SMC1B: variants seen among roughly 807,000 people sequenced by gnomAD.
SMC1B encodes the protein structural maintenance of chromosomes protein 1B.
A neutral mutation model predicts 157.9 loss-of-function variants in SMC1B; 60 were observed. That is an observed-to-expected ratio of 0.38 (90% CI 0.31 to 0.47). The LOEUF (loss-of-function observed/expected upper bound fraction) is 0.47, where lower values mean the gene tolerates loss of function less well. Among genes scored for constraint, SMC1B ranks in the 20% least tolerant of loss-of-function variants. The probability of loss-of-function intolerance (pLI) is 0.99; values close to 1 mark genes in which losing one functional copy is unlikely to be tolerated. For missense variants in SMC1B, 1,165 were observed against 1,426.2 expected (o/e 0.82, Z 2.95); for synonymous variants, 445 against 483.0 (o/e 0.92, Z 1.03).
intron 12 of SMC1B, among the ~76,000 whole-genome samples, chr22:45,374,982 T>C (rs2146801674): frequency 6.6e-6 from 1 of 152,210 alleles, no homozygotes; most frequent in South Asian, 2.1e-4. Flanking sequence ...TAAAATGCTT[T>C]CTCCAAAATA....
intron 21 of SMC1B, among the ~76,000 whole-genome samples, chr22:45,353,380 C>A (rs1356360415): frequency 6.6e-6 from 1 of 151,696 alleles, no homozygotes; most frequent in African/African-American, 2.4e-5. Flanking sequence ...TCCAGGATCA[C>A]CTTTTAGTCA....
At position 45,406,849 on chromosome 22, in the gene SMC1B, A is replaced by C. The variant is rs368249149; in HGVS notation, c.315T>G (p.Phe105Leu). 1.8e-5 allele frequency: 29 copies of C among 1,570,442 alleles called. No homozygotes were observed. The highest frequency in any genetic ancestry group is 2.8e-5 in the African/African-American group (2 of 72,596). Residue 105 changes from phenylalanine (F) to leucine (L), a missense_variant, in exon 3 of 25, where the codon TTT becomes TTG. Transcript: ENST00000357450. Reference sequence around the variant, plus strand: ...GACTCACAAGATTATCATTAAAGCGAAATTCTGAGCATCCCCCTAAAATAA... The same window carrying C: ...GACTCACAAGATTATCATTAAAGCGCAATTCTGAGCATCCCCCTAAAATAA... ...ARIIRGGCSE[F>L]RFNDNLVSRS...
rs188118759 is a variant in SMC1B, at chr22:45,402,113, T to G, written c.854+220A>C. Among the ~76,000 whole-genome samples, 32 of 152,106 alleles carry G rather than the reference T, an allele frequency of 2.1e-4. No homozygotes were observed. In the East Asian group the frequency reaches 5.4e-3, roughly 26 times the overall value. ...TTAGCCAGGATGGTCTCGATCTCCTTACCTCGTGATCCACCTGCCTCAGCC... is the reference window on the plus strand; with the variant it reads ...TTAGCCAGGATGGTCTCGATCTCCTGACCTCGTGATCCACCTGCCTCAGCC... On this transcript the variant is annotated intron_variant, in intron 5 of 24. Coordinates refer to ENST00000357450, the MANE Select transcript of SMC1B (RefSeq NM_148674.5).
chr22:45,387,408 C>T (rs1288283477), intron 10 of SMC1B, among the ~76,000 whole-genome samples: 1 of 152,112 alleles, frequency 6.6e-6, no homozygotes, highest in Non-Finnish European at 1.5e-5. Context: ...TGAGATCGCG[C>T]TACTGCACTC....
At chr22:45,359,682 T>G in intron 18 of SMC1B, 123 bp downstream of exon 18, 1 of 1,048,886 alleles carries the variant, frequency 9.5e-7, no homozygotes, top group Non-Finnish European at 1.3e-6. Flanking sequence ...TTGCCCTTTT[T>G]CCCTCCTATG....
intron 22 of SMC1B, among the ~76,000 whole-genome samples, chr22:45,350,612 TTTCTCTACAA>T (rs974862805): frequency 6.6e-6 from 1 of 152,170 alleles, no homozygotes; most frequent in African/African-American, 2.4e-5. Context: ...GTCCAACTAC[TTTCTCTACAA>T]TTCCATGTGG....
At position 45,345,274 on chromosome 22, in the gene SMC1B, A is replaced by G. The variant is rs547025182; in HGVS notation, c.3606+185T>C. Among the ~76,000 whole-genome samples the G allele has an allele frequency of 5.9e-5, 9 of 152,336 alleles. No homozygotes were observed. The East Asian group carries it at 1.5e-3, about 26-fold the overall frequency. On this transcript the variant is annotated intron_variant, in intron 24 of 24. Coordinates refer to ENST00000357450, the MANE Select transcript of SMC1B (RefSeq NM_148674.5). The stretch of plus-strand genomic sequence containing the variant: ...TCCATTTGCTTTTTTCACTTAAAAT[A>G]TATCTTCAATCTCTATGTATTGTCT...
intron 23 of SMC1B, among the ~76,000 whole-genome samples, chr22:45,345,777 CTT>C (rs922898451): frequency 6.6e-6 from 1 of 152,082 alleles, no homozygotes; most frequent in African/African-American, 2.4e-5. Flanking sequence ...TGATCTAAAA[CTT>C]TAAGAATATT....
chr22:45,370,023 A>G lies in SMC1B; in HGVS notation c.2351T>C (p.Ile784Thr), dbSNP rs1275314933. The G allele has an allele frequency of 2.5e-6, 4 of 1,595,858 alleles. No individual in the cohort carries two copies. The highest frequency in any genetic ancestry group is 3.4e-6 in the Non-Finnish European group (4 of 1,170,578). Reference sequence around the variant, plus strand: ...AAATTCACGAATATTTTCCACGCCAATTTCTTCACAGAAGTGTTGGAAGAT... The same window carrying G: ...AAATTCACGAATATTTTCCACGCCAGTTTCTTCACAGAAGTGTTGGAAGAT... Reference protein sequence around the residue: ...DDIFQHFCEEIGVENIREFEN... With the variant: ...DDIFQHFCEETGVENIREFEN... Residue 784 changes from isoleucine to threonine, a missense_variant, in exon 15 of 25, where the codon ATT (isoleucine) becomes ACT (threonine). Ile to Thr is a moderately conservative substitution (Grantham distance 89). Coordinates refer to ENST00000357450, the MANE Select transcript of SMC1B (RefSeq NM_148674.5).
chr22:45,395,825 C>T (rs975013035), intron 7 of SMC1B, among the ~76,000 whole-genome samples: 4 of 152,152 alleles, frequency 2.6e-5, no homozygotes, highest in Non-Finnish European at 5.9e-5. Flanking sequence ...TCATTGCACT[C>T]TAGTCTGGGC....
chr22:45,356,268 A>G (rs968524072), intron 19 of SMC1B, among the ~76,000 whole-genome samples: 3 of 152,176 alleles, frequency 2.0e-5, no homozygotes, highest in Non-Finnish European at 4.4e-5. Context: ...GGTCTAAGGT[A>G]AAGTCCACCA....
At position 45,383,579 on chromosome 22, in the gene SMC1B, G is replaced by A. The variant is rs779776158; in HGVS notation, c.1946C>T (p.Ser649Phe). 3.9e-5 allele frequency: 63 copies of A among 1,599,116 alleles called. No individual in the cohort carries two copies. The highest frequency in any genetic ancestry group is 4.3e-5 in the Non-Finnish European group (51 of 1,176,018). The stretch of plus-strand genomic sequence containing the variant: ...ACTTGACCCTCCAGAGATCACTCCA[G>A]ATTTTAAAAATAATGTTCCATCAAG... ...VALDGTLFLK[S>F]GVISGGSSDL... The change falls in exon 12 of 25, where the codon TCT (serine) becomes TTT (phenylalanine). Residue 649 changes from serine to phenylalanine, a missense_variant. By Grantham distance (155) the Ser-to-Phe change is radical. Coordinates refer to ENST00000357450, the MANE Select transcript of SMC1B (RefSeq NM_148674.5).
chr22:45,374,205 A>T (rs1462085993), intron 12 of SMC1B, among the ~76,000 whole-genome samples: 2 of 151,750 alleles, frequency 1.3e-5, no homozygotes, highest in African/African-American at 4.8e-5. Context: ...TTGTTTAAGA[A>T]AAAGGGATGT....
intron 12 of SMC1B, among the ~76,000 whole-genome samples, chr22:45,375,815 T>C (rs2086878589): frequency 6.6e-6 from 1 of 152,172 alleles, no homozygotes; most frequent in African/African-American, 2.4e-5. Flanking sequence ...TTTACTACAG[T>C]GTTCAATTCT....
intron 1 of SMC1B, among the ~76,000 whole-genome samples, chr22:45,409,610 A>G (rs201381282): frequency 1.2e-4 from 4 of 34,550 alleles, no homozygotes; most frequent in Non-Finnish European, 2.1e-4. Context: ...ATAAATAAAT[A>G]AAAACAAGAG....
At chr22:45,358,498 T>C (rs1322296738) in intron 19 of SMC1B, among the ~76,000 whole-genome samples, 199 bp downstream of exon 19, 3 of 152,200 alleles carry the variant, frequency 2.0e-5, no homozygotes, top group African/African-American at 4.8e-5. Context: ...AATTAGAGAA[T>C]TGCTTGGTGT....
chr22:45,411,828 C>A (rs1228716144), intron 1 of SMC1B, among the ~76,000 whole-genome samples: 1 of 151,770 alleles, frequency 6.6e-6, no homozygotes, highest in Admixed American at 6.6e-5. Flanking sequence ...CAGTGATCTG[C>A]CTGCCTCAGC....
intron 5 of SMC1B, 73 bp downstream of exon 5, chr22:45,402,260 A>C: frequency 1.0e-6 from 1 of 991,106 alleles, no homozygotes; most frequent in Non-Finnish European, 1.5e-6. Context: ...CAATTTTCAA[A>C]GTGTCACTTA....
intron 12 of SMC1B, among the ~76,000 whole-genome samples, chr22:45,379,675 T>C (rs1421670242): frequency 6.6e-6 from 1 of 151,968 alleles, no homozygotes; most frequent in East Asian, 1.9e-4. Flanking sequence ...TATAATTAGG[T>C]CTATTCTAAT....
Sources: gnomAD v4.1 joint callset for allele counts (sites outside exome capture counted in the v4.1 genomes callset) on GRCh38, gnomAD v4.1.1 for gene constraint, MANE v1.5 for transcripts, NCBI Gene and HGNC (gene_info 2026-07-23, HGNC 2026-07-21) for gene names.